The following ANP32B variants were observed in gnomAD, a reference collection of about 807,000 sequenced individuals.
The protein encoded by ANP32B is acidic nuclear phosphoprotein 32 family member B, also known as acidic leucine-rich nuclear phosphoprotein 32 family member B.
In ANP32B, 6 loss-of-function variants were observed where a neutral mutation model predicts 32.2. The ratio of observed to expected loss-of-function variants is 0.19; its 90% CI spans 0.10 to 0.37. ANP32B has a LOEUF of 0.37. Ranked by LOEUF, ANP32B falls within the 10% of genes least tolerant of loss-of-function variation. ANP32B has a pLI of 1.00. For synonymous variants in ANP32B, 98 were observed against 105.8 expected (o/e 0.93, Z 0.45); for missense variants, 204 against 289.2 (o/e 0.71, Z 2.14).
rs565780669 is a variant in ANP32B, at chr9:98,010,288, T to A, written c.518-983T>A. Reference sequence around the variant, plus strand: ...TTTTTTTTTTTTTGTTTTTTTTTTTTAAATCATAAATAGGCTAGGTATGGT... The same window carrying A: ...TTTTTTTTTTTTTGTTTTTTTTTTTAAAATCATAAATAGGCTAGGTATGGT... On this transcript the variant is annotated intron_variant, in intron 4 of 6. Coordinates refer to ENST00000339399, the MANE Select transcript of ANP32B (RefSeq NM_006401.3). Among the ~76,000 whole-genome samples, 194 of 150,842 alleles carry A rather than the reference T, an allele frequency of 1.3e-3. 1 individual carries two copies. The highest frequency in any genetic ancestry group is 4.2e-3 in the African/African-American group (171 of 41,100).
chr9:97,991,957 G>T (rs983898614), intron 1 of ANP32B, among the ~76,000 whole-genome samples: 1 of 152,160 alleles, frequency 6.6e-6, no homozygotes, highest in African/African-American at 2.4e-5. Flanking sequence ...ACAAACCTCT[G>T]TACAATATTG....
intron 3 of ANP32B, among the ~76,000 whole-genome samples, chr9:98,003,988 G>A (rs528432279): frequency 6.6e-6 from 1 of 152,274 alleles, no homozygotes; most frequent in African/African-American, 2.4e-5. Flanking sequence ...GTCACTTCCT[G>A]TTGCTGTCTC....
At chr9:97,984,705 C>T (rs1431451310) in intron 1 of ANP32B, 2 of 150,850 alleles carry the variant, frequency 1.3e-5, no homozygotes, top group Non-Finnish European at 3.0e-5. Flanking sequence ...CTGTTTCCCC[C>T]CGCCCCGCCG....
At position 98,015,737 on chromosome 9, in the gene ANP32B, A is replaced by G; in HGVS notation, c.*306A>G. 4.9e-6 allele frequency: 5 copies of G among 1,026,152 alleles called. No individual in the cohort carries two copies. Among genetic ancestry groups the G allele is most frequent in the Non-Finnish European group, 5.8e-6 (5 of 855,908 alleles). The allele number at this position is 1,026,152 out of a possible 1,614,324, so 63.6% of individuals were successfully genotyped here. A position where few individuals can be genotyped will look rare whatever the true frequency, so the allele number is the denominator to read the frequency against. On this transcript the variant is annotated 3_prime_UTR_variant, in exon 7 of 7. Coordinates refer to ENST00000339399, the MANE Select transcript of ANP32B (RefSeq NM_006401.3). ...GGTGAGTCAACCGTCTGTGGCTACC[A>G]GTTACACTGAGATTGTAACAGCATT...
intron 3 of ANP32B, among the ~76,000 whole-genome samples, chr9:98,000,251 A>C (rs541240165): frequency 5.7e-4 from 87 of 152,248 alleles, no homozygotes; most frequent in African/African-American, 2.0e-3. Flanking sequence ...AGTGTTTGGG[A>C]CTACAGGCCT....
intron 4 of ANP32B, among the ~76,000 whole-genome samples, chr9:98,008,015 T>G (rs962730424): frequency 6.6e-6 from 1 of 152,160 alleles, no homozygotes; most frequent in Admixed American, 6.5e-5. Flanking sequence ...GGTAAAACTT[T>G]TTTTTTTAAG....
At chr9:97,984,751 G>GGCCGCC (rs1160590934) in intron 1 of ANP32B, 1 of 150,080 alleles carries the variant, frequency 6.7e-6, no homozygotes, top group South Asian at 2.1e-4. Context: ...CGCGCGCCGC[G>GGCCGCC]GCCGCCGCCG....
At chr9:97,993,593 A>T (rs960163041) in intron 1 of ANP32B, among the ~76,000 whole-genome samples, 6 of 152,222 alleles carry the variant, frequency 3.9e-5, no homozygotes, top group Non-Finnish European at 7.3e-5. Context: ...GTGGATCTGC[A>T]TGTAGACTAT....
At chr9:97,995,658 C>T (rs553295406) in intron 2 of ANP32B, among the ~76,000 whole-genome samples, 3 of 152,134 alleles carry the variant, frequency 2.0e-5, no homozygotes, top group East Asian at 1.9e-4. Context: ...TGGTGGCTCA[C>T]GTCTGTAATC....
intron 6 of ANP32B, 77 bp from the exon 7 acceptor site, chr9:98,015,287 T>C: frequency 2.0e-6 from 3 of 1,529,280 alleles, no homozygotes; most frequent in Non-Finnish European, 2.6e-6. Flanking sequence ...AAAACTTTGT[T>C]GTTGTTGCCT....
At chr9:97,987,663 TC>T (rs1827759161) in intron 1 of ANP32B, 2 of 152,338 alleles carry the variant, frequency 1.3e-5, no homozygotes, top group South Asian at 4.1e-4. Context: ...GCCAAGCAGT[TC>T]CTTACTGTGG....
intron 4 of ANP32B, among the ~76,000 whole-genome samples, chr9:98,006,467 A>C (rs201039261): frequency 7.2e-6 from 1 of 139,604 alleles, no homozygotes; most frequent in Non-Finnish European, 1.5e-5. Flanking sequence ...CAAGCTAACT[A>C]TCCAACATGA....
chr9:97,983,371 G>T lies in ANP32B; in HGVS notation c.-185G>T, dbSNP rs1411180570. On this transcript the variant is annotated 5_prime_UTR_variant, in exon 1 of 7. Transcript: ENST00000339399. The stretch of plus-strand genomic sequence containing the variant: ...CCCTCCATGGTTTCTCTCCGCTCCC[G>T]TGAGTAACTTGGCTCCGGGGGCTCC... 1 of 555,100 alleles carries T rather than the reference G, an allele frequency of 1.8e-6. No individual in the cohort carries two copies. The highest frequency in any genetic ancestry group is 3.2e-6 in the Non-Finnish European group (1 of 311,644). 34.4% of individuals were successfully genotyped at this position (555,100 alleles called of 1,614,324 possible). A position where few individuals can be genotyped will look rare whatever the true frequency, so the allele number is the denominator to read the frequency against.
chr9:98,000,992 C>T (rs144294443), intron 3 of ANP32B, among the ~76,000 whole-genome samples: 4 of 151,876 alleles, frequency 2.6e-5, no homozygotes, highest in African/African-American at 9.7e-5. Context: ...CTTCTCTTTC[C>T]ACCTGTAAAT....
At chr9:97,985,129 C>A (rs568088303) in intron 1 of ANP32B, among the ~76,000 whole-genome samples, 1 of 151,614 alleles carries the variant, frequency 6.6e-6, no homozygotes, top group African/African-American at 2.4e-5. Context: ...CCCAGCGGGC[C>A]AGTGGCTTTC....
chr9:97,984,597 G>A (rs1300644298), intron 1 of ANP32B: 3 of 150,742 alleles, frequency 2.0e-5, no homozygotes. Context: ...GCGGGTGCCC[G>A]TCTCCCTGCG....
rs199908587 is a variant in ANP32B, at chr9:97,992,243, C to T, written c.55-2388C>T. On this transcript the variant is annotated intron_variant, in intron 1 of 6. Coordinates refer to ENST00000339399, the MANE Select transcript of ANP32B (RefSeq NM_006401.3). ...TTGCTGGGATTACAGGCACACGCCA[C>T]CATGCCTGGCTTATTTTTGTATTTT... Among the ~76,000 whole-genome samples, 21 of 152,260 alleles carry T rather than the reference C, an allele frequency of 1.4e-4. No individual in the cohort carries two copies. The East Asian group carries it at 3.3e-3, about 24-fold the overall frequency.
intron 5 of ANP32B, among the ~76,000 whole-genome samples, chr9:98,012,021 G>A (rs1828193330): frequency 1.3e-5 from 2 of 152,180 alleles, no homozygotes; most frequent in African/African-American, 4.8e-5. Context: ...ATAAAAATAA[G>A]GCTTGGGGTT....
At position 98,012,722 on chromosome 9, in the gene ANP32B, G is replaced by GGGTGGT. The variant is rs942174470; in HGVS notation, c.688+267_688+272dup. Among the ~76,000 whole-genome samples, 122 of 152,062 alleles carry GGGTGGT rather than the reference G, an allele frequency of 8.0e-4. 1 individual carries two copies. The highest frequency in any genetic ancestry group is 2.7e-3 in the African/African-American group (113 of 41,494). ...TTCAGTCCTCATGGGGTTTTTTTCG[G>GGGTGGT]GGTGGTGGTGGTGGTGGTGGTGTTT... On this transcript the variant is annotated intron_variant, in intron 6 of 6. Coordinates refer to ENST00000339399, the MANE Select transcript of ANP32B (RefSeq NM_006401.3).
Sources: allele counts gnomAD v4.1 joint callset (sites outside exome capture counted in the v4.1 genomes callset), GRCh38; gene constraint gnomAD v4.1.1; transcripts MANE v1.5; gene names NCBI Gene and HGNC (gene_info 2026-07-23, HGNC 2026-07-21).